The following ARNT variants were observed in gnomAD, a reference collection of about 807,000 sequenced individuals.
ARNT encodes the protein aryl hydrocarbon receptor nuclear translocator.
A neutral mutation model predicts 105.0 loss-of-function variants in ARNT; 30 were observed. The ratio of observed to expected loss-of-function variants is 0.29; its 90% CI spans 0.21 to 0.39. The LOEUF is 0.39. Ranked by LOEUF, ARNT falls within the 10% of genes least tolerant of loss-of-function variation. The pLI is 1.00. For synonymous variants in ARNT, 304 were observed against 344.0 expected, an observed-to-expected ratio of 0.88 and a Z score of 1.29; for missense variants, 748 against 978.7, an observed-to-expected ratio of 0.76 and a Z score of 3.15.
intron 1 of ARNT, among the ~76,000 whole-genome samples, chr1:150,861,063 T>G (rs1665542376): frequency 6.6e-6 from 1 of 152,026 alleles, no homozygotes; most frequent in Non-Finnish European, 1.5e-5. Flanking sequence ...GAGAAAGCAT[T>G]TGCTACTCAT....
chr1:150,842,356 G>A, intron 5 of ARNT, 68 bp downstream of exon 5: 1 of 1,569,846 alleles, frequency 6.4e-7, no homozygotes, highest in Non-Finnish European at 8.6e-7. Flanking sequence ...AGAAAAGAAA[G>A]AGTAAGAAAA....
At position 150,876,549 on chromosome 1, in the gene ARNT, T is replaced by A. The variant is rs1227142569; in HGVS notation, c.19A>T (p.Asn7Tyr). MAATTA[N>Y]PEMTSDVPSL... ...CAGTCCTCCGTCTCCTCACCGGGGT[T>A]GGCAGTAGTCGCCGCCATGGCCGCA... Residue 7 changes from asparagine to tyrosine, a missense_variant, in exon 1 of 22, where the codon AAC becomes TAC. Asn to Tyr is a moderately radical substitution (Grantham distance 143). Around this residue, in one of 4 missense-constraint regions of ARNT, gnomAD observed 93 missense variants for 101.6 expected, o/e 0.92. Transcript: ENST00000358595. 1.3e-6 allele frequency: 2 copies of A among 1,550,366 alleles called. No individual in the cohort carries two copies. Among genetic ancestry groups the A allele is most frequent in the Non-Finnish European group, 1.7e-6 (2 of 1,147,788 alleles).
chr1:150,842,688 C>T (rs1318923010), intron 4 of ARNT, among the ~76,000 whole-genome samples: 2 of 151,992 alleles, frequency 1.3e-5, no homozygotes. Context: ...TGTAACTCTA[C>T]AAAGCCATCT....
Position 150,811,473 on chromosome 1 carries a change from C to CAT in ARNT, c.*547_*548insAT, listed in dbSNP as rs72334936. 4.7e-5 allele frequency: 11 copies of CAT among 233,038 alleles called. No individual in the cohort carries two copies. The highest frequency in any genetic ancestry group is 6.8e-5 in the Non-Finnish European group (8 of 117,980). The allele number at this position is 233,038 out of a possible 1,614,324, so 14.4% of individuals were successfully genotyped here. On this transcript the variant is annotated 3_prime_UTR_variant, in exon 22 of 22. Coordinates refer to ENST00000358595, the MANE Select transcript of ARNT (RefSeq NM_001668.4). ...GCATGTGTGCGCACACACACACACA[C>CAT]ACACATACACACACACTCTCTCTCA...
rs587753991 is a variant in ARNT at position 150,816,110 on chromosome 1, G to C, written c.1950+149C>G. 4 of 957,884 alleles carry C rather than the reference G, an allele frequency of 4.2e-6. No homozygotes were observed. The South Asian group carries it at 7.0e-5, about 17-fold the overall frequency. The allele number at this position is 957,884 out of a possible 1,614,324, so 59.3% of individuals were successfully genotyped here. On this transcript the variant is annotated intron_variant, in intron 19 of 21. Coordinates refer to ENST00000358595, the MANE Select transcript of ARNT (RefSeq NM_001668.4). ...TTTTATTATCTGTGATTTTTAATTA[G>C]CTACTCTCAACAAAGATGGAAATTG...
chr1:150,817,003 A>T, intron 17 of ARNT, 79 bp downstream of exon 17: 1 of 1,606,482 alleles, frequency 6.2e-7, no homozygotes, highest in Non-Finnish European at 8.5e-7. Context: ...ACACTGGAAG[A>T]TTACTGACTG....
At position 150,851,184 on chromosome 1, in the gene ARNT, C is replaced by T. The variant is rs587750620; in HGVS notation, c.182+1578G>A. Among the ~76,000 whole-genome samples the T allele has an allele frequency of 1.2e-3, 174 of 148,966 alleles. 1 individual carries two copies. The East Asian group carries it at 0.016, about 14-fold the overall frequency. ...CCCCCGCCTGGCCAGCCACCCCGTC[C>T]AGGAGAGAGGCGGGGGCCAGCCCCC... On this transcript the variant is annotated intron_variant, in intron 3 of 21. Transcript: ENST00000358595.
chr1:150,851,339 G>A (rs1237278498), intron 3 of ARNT, among the ~76,000 whole-genome samples: 9 of 151,054 alleles, frequency 6.0e-5, no homozygotes, highest in South Asian at 2.1e-4. Context: ...CTGCCCGGCC[G>A]CCACCCCGTC....
In ARNT at chr1:150,846,002, T is replaced by C. The variant is rs587656096; in HGVS notation, c.227+261A>G. ...ACAAAATCCATAATTTGTGCTCCTATGGAAACCTTGCAAGCACATTGCTTT... is the reference window on the plus strand; with the variant it reads ...ACAAAATCCATAATTTGTGCTCCTACGGAAACCTTGCAAGCACATTGCTTT... On this transcript the variant is annotated intron_variant, in intron 4 of 21. Coordinates refer to ENST00000358595, the MANE Select transcript of ARNT (RefSeq NM_001668.4). Among the ~76,000 whole-genome samples, 4 of 152,314 alleles carry C rather than the reference T, an allele frequency of 2.6e-5. No individual in the cohort carries two copies. The East Asian group carries it at 7.7e-4, about 29-fold the overall frequency.
rs1177252825 is a variant in ARNT at position 150,839,602 on chromosome 1, T to C, written c.325A>G (p.Ile109Val). The change falls in exon 6 of 22, where the codon ATC becomes GTC. Residue 109 changes from isoleucine (I) to valine (V), a missense_variant. Around this residue, in one of 4 missense-constraint regions of ARNT, gnomAD observed 291 missense variants for 444.6 expected, o/e 0.65. Coordinates refer to ENST00000358595, the MANE Select transcript of ARNT (RefSeq NM_001668.4). ...RRRRNKMTAY[I>V]TELSDMVPTC... ...GGTACCATATCTGACAGTTCTGTGA[T>C]GTAGGCTGTCATCTTGTTCCGTCGC... The C allele has an allele frequency of 1.9e-6, 3 of 1,614,072 alleles. No individual in the cohort carries two copies. Among genetic ancestry groups the C allele is most frequent in the Non-Finnish European group, 2.5e-6 (3 of 1,180,016 alleles).
At chr1:150,836,526 T>C (rs761599035) in intron 6 of ARNT, 33 bp from the exon 7 acceptor site, 1 of 1,592,692 alleles carries the variant, frequency 6.3e-7, no homozygotes. Flanking sequence ...AGTTAATATT[T>C]TACTCTGAAA....
intron 3 of ARNT, 78 bp downstream of exon 3, chr1:150,852,684 A>G (rs1346990843): frequency 7.2e-6 from 10 of 1,397,790 alleles, no homozygotes; most frequent in Admixed American, 6.0e-5. Context: ...AAGGACAAAA[A>G]TTTACAAGTC....
intron 19 of ARNT, among the ~76,000 whole-genome samples, chr1:150,815,856 T>C: frequency 8.3e-6 from 1 of 120,828 alleles, no homozygotes; most frequent in South Asian, 2.9e-4. Flanking sequence ...AGAGCAAGAC[T>C]CTGTCTCAAA....
intron 15 of ARNT, 23 bp from the exon 16 acceptor site, chr1:150,817,456 C>G: frequency 1.9e-6 from 3 of 1,607,086 alleles, no homozygotes; most frequent in Non-Finnish European, 2.5e-6. Context: ...GGCCAGTTGA[C>G]AAGACAAATA....
intron 15 of ARNT, 25 bp downstream of exon 15, chr1:150,817,895 A>C (rs749829643): frequency 2.6e-6 from 4 of 1,567,468 alleles, no homozygotes; most frequent in Admixed American, 3.5e-5. Flanking sequence ...ACTGCTCAAC[A>C]GATGATTATT....
intron 8 of ARNT, 97 bp from the exon 9 acceptor site, chr1:150,832,496 A>AG: frequency 1.7e-6 from 2 of 1,151,804 alleles, no homozygotes; most frequent in Non-Finnish European, 2.6e-6. Context: ...ATACAACCAG[A>AG]CATAGAAAAT....
rs755780418 is a variant in ARNT, at chr1:150,836,497, C to T, written c.487-4G>A. 1.1e-5 allele frequency: 17 copies of T among 1,611,910 alleles called. No individual in the cohort carries two copies. The highest frequency in any genetic ancestry group is 8.8e-5 in the South Asian group (8 of 90,746). On this transcript the variant is annotated splice_polypyrimidine_tract_variant and splice_region_variant and intron_variant, in intron 6 of 21. Coordinates refer to ENST00000358595, the MANE Select transcript of ARNT (RefSeq NM_001668.4). ...CCAAGATCAAATGTTTCAGTTCCTG[C>T]GCAAGAAAAAGAAATAGAAGTTAAT... is the stretch of plus-strand genomic sequence containing the variant.
rs926097286 is a variant in ARNT, at chr1:150,811,154, TGA to T, written c.*865_*866del. ...ATGTTTGCAGATCTTCCAGATAAGG[TGA>T]GAGCACCAAAAGCAGCAGTAACCCA... On this transcript the variant is annotated 3_prime_UTR_variant, in exon 22 of 22. Coordinates refer to ENST00000358595, the MANE Select transcript of ARNT (RefSeq NM_001668.4). 1.3e-5 allele frequency: 3 copies of T among 233,440 alleles called. No individual in the cohort carries two copies. Among genetic ancestry groups the T allele is most frequent in the African/African-American group, 6.6e-5 (3 of 45,310 alleles). 14.5% of individuals were successfully genotyped at this position (233,440 alleles called of 1,614,324 possible).
intron 4 of ARNT, among the ~76,000 whole-genome samples, chr1:150,844,039 G>A (rs1055113648): frequency 1.3e-5 from 2 of 152,014 alleles, no homozygotes; most frequent in Admixed American, 1.3e-4. Context: ...TCATTCATGC[G>A]ATGTTTTCAT....
Sources: allele counts gnomAD v4.1 joint callset (sites outside exome capture counted in the v4.1 genomes callset), GRCh38; gene constraint gnomAD v4.1.1; regional missense constraint gnomAD v4.1.1; transcripts MANE v1.5; gene names NCBI Gene and HGNC (gene_info 2026-07-23, HGNC 2026-07-21).